Variants in CDS1 observed in about 807,000 individuals in gnomAD.
The protein encoded by CDS1 is CDP-diacylglycerol synthase 1.
In CDS1, 41 loss-of-function variants were observed where a neutral mutation model predicts 62.1. The observed-to-expected ratio is 0.66, with a 90% CI of 0.51 to 0.86. The LOEUF (loss-of-function observed/expected upper bound fraction) is 0.86. Ranked by LOEUF, CDS1 falls within the 40% of genes least tolerant of loss-of-function variation. The probability of loss-of-function intolerance (pLI) is 0.00; values close to 1 mark genes in which losing one functional copy is unlikely to be tolerated. For synonymous variants in CDS1, 185 were observed against 192.6 expected, an observed-to-expected ratio of 0.96 and a Z score of 0.32; for missense variants, 470 against 550.1, an observed-to-expected ratio of 0.85 and a Z score of 1.46.
intron 1 of CDS1, among the ~76,000 whole-genome samples, chr4:84,596,061 C>T (rs763125823): frequency 5.9e-5 from 9 of 152,076 alleles, no homozygotes; most frequent in Non-Finnish European, 7.4e-5. Flanking sequence ...AGACTTGGCC[C>T]GATTCCATTT....
chr4:84,636,078 C>T (rs997690897), intron 8 of CDS1, among the ~76,000 whole-genome samples: 2 of 151,946 alleles, frequency 1.3e-5, no homozygotes, highest in Non-Finnish European at 2.9e-5. Flanking sequence ...TTCTCTCGGC[C>T]ATTGGTGCAG....
chr4:84,611,450 C>G (rs1462545792), intron 3 of CDS1, among the ~76,000 whole-genome samples: 2 of 152,060 alleles, frequency 1.3e-5, no homozygotes, highest in African/African-American at 4.8e-5. Context: ...CCTCCATATT[C>G]AATTCTATTC....
At chr4:84,628,440 C>G (rs1437167139) in intron 5 of CDS1, among the ~76,000 whole-genome samples, 1 of 152,030 alleles carries the variant, frequency 6.6e-6, no homozygotes, top group Middle Eastern at 3.2e-3. Flanking sequence ...CTGAAATTCC[C>G]TCTGTCTCAT....
At chr4:84,605,904 C>T (rs1723078879) in intron 2 of CDS1, among the ~76,000 whole-genome samples, 1 of 152,104 alleles carries the variant, frequency 6.6e-6, no homozygotes, top group Non-Finnish European at 1.5e-5. Flanking sequence ...TATTATATAT[C>T]AAGGGTCATG....
Position 84,644,876 on chromosome 4 carries a change from G to A in CDS1, c.1153-346G>A, listed in dbSNP as rs374764001. ...TAAAATAGCTCCCCAAACAGCTTGTGGTTAAAAAGAAAGCTAGGCTGTAAC... is the reference window on the plus strand; with the variant it reads ...TAAAATAGCTCCCCAAACAGCTTGTAGTTAAAAAGAAAGCTAGGCTGTAAC... On this transcript the variant is annotated intron_variant, in intron 11 of 12. Coordinates refer to ENST00000295887, the MANE Select transcript of CDS1 (RefSeq NM_001263.4). 2.6e-5 allele frequency among the ~76,000 whole-genome samples: 4 copies of A among 152,156 alleles called. No individual in the cohort carries two copies. In the East Asian group the frequency reaches 7.7e-4, roughly 29 times the overall value.
intron 3 of CDS1, among the ~76,000 whole-genome samples, chr4:84,615,992 G>A (rs763503935): frequency 7.2e-5 from 11 of 152,054 alleles, no homozygotes; most frequent in South Asian, 2.1e-4. Context: ...AATATAATGC[G>A]TGTTATTAAA....
intron 5 of CDS1, among the ~76,000 whole-genome samples, chr4:84,623,744 C>G (rs1427268608): frequency 6.6e-6 from 1 of 152,156 alleles, no homozygotes. Context: ...GATTGGCGGG[C>G]TTAACTTAGC....
chr4:84,634,641 G>C (rs1277110244), intron 7 of CDS1, among the ~76,000 whole-genome samples: 1 of 151,926 alleles, frequency 6.6e-6, no homozygotes, highest in African/African-American at 2.4e-5. Flanking sequence ...TTTACCAAGG[G>C]TGTGGTTGTG....
chr4:84,608,884 T>C (rs987345265), intron 2 of CDS1, among the ~76,000 whole-genome samples: 1 of 151,870 alleles, frequency 6.6e-6, no homozygotes, highest in Admixed American at 6.6e-5. Flanking sequence ...TTAACAAAAA[T>C]TATTTTCTTT....
intron 5 of CDS1, among the ~76,000 whole-genome samples, chr4:84,622,454 G>C (rs1343993135): frequency 6.6e-6 from 1 of 152,114 alleles, no homozygotes; most frequent in Non-Finnish European, 1.5e-5. Flanking sequence ...TTAGCCGGGT[G>C]CGGTGGCAGG....
chr4:84,583,491 C>A lies in CDS1; in HGVS notation c.90C>A (p.Asp30Glu). 1.3e-6 allele frequency: 2 copies of A among 1,547,468 alleles called. No homozygotes were observed. The highest frequency in any genetic ancestry group is 1.7e-6 in the Non-Finnish European group (2 of 1,148,698). ...PHREGEAAGG[D>E]HETESTSDKE... ...GCGAGGGAGAGGCGGCCGGCGGCGA[C>A]CACGAAACCGAGAGCACCAGCGACA... The change falls in exon 1 of 13, where the codon GAC becomes GAA. Residue 30 changes from aspartate to glutamate, a missense_variant. Around this residue, in one of 5 missense-constraint regions of CDS1, gnomAD observed 150 missense variants for 142.0 expected, o/e 1.06. Coordinates refer to ENST00000295887, the MANE Select transcript of CDS1 (RefSeq NM_001263.4).
At chr4:84,591,898 ATGT>A (rs1424064224) in intron 1 of CDS1, among the ~76,000 whole-genome samples, 1 of 152,184 alleles carries the variant, frequency 6.6e-6, no homozygotes, top group Non-Finnish European at 1.5e-5. Flanking sequence ...AATCTATGAA[ATGT>A]TGGCAGCGGA....
chr4:84,610,349 G>T (rs1723280250), intron 3 of CDS1, among the ~76,000 whole-genome samples: 1 of 152,176 alleles, frequency 6.6e-6, no homozygotes, highest in Non-Finnish European at 1.5e-5. Flanking sequence ...TCCATTGGAA[G>T]ATCTGCAAGT....
At chr4:84,640,627 A>T (rs1248045691) in intron 9 of CDS1, among the ~76,000 whole-genome samples, 1 of 152,124 alleles carries the variant, frequency 6.6e-6, no homozygotes, top group Non-Finnish European at 1.5e-5. Flanking sequence ...TTTCAAAAAA[A>T]CTTTTTTTTT....
chr4:84,627,208 GA>G, intron 5 of CDS1, among the ~76,000 whole-genome samples: 1 of 152,172 alleles, frequency 6.6e-6, no homozygotes, highest in Admixed American at 6.6e-5. Flanking sequence ...CATTGACATT[GA>G]ATTTTATTTA....
At chr4:84,627,508 A>G (rs1578043771) in intron 5 of CDS1, among the ~76,000 whole-genome samples, 1 of 152,210 alleles carries the variant, frequency 6.6e-6, no homozygotes, top group Non-Finnish European at 1.5e-5. Flanking sequence ...ATGCAATTAT[A>G]TGGTTAGCAG....
intron 8 of CDS1, 80 bp from the exon 9 acceptor site, chr4:84,638,844 A>G (rs1272572947): frequency 6.3e-6 from 2 of 318,696 alleles, no homozygotes; most frequent in East Asian, 1.2e-4. Flanking sequence ...TTGAGGAAAT[A>G]GTTTATATAT....
intron 1 of CDS1, among the ~76,000 whole-genome samples, chr4:84,599,663 TG>T (rs1422010987): frequency 6.6e-6 from 1 of 152,036 alleles, no homozygotes; most frequent in African/African-American, 2.4e-5. Flanking sequence ...ATGTACATTT[TG>T]TCTGGCTTCT....
At chr4:84,633,297 G>A (rs1724080833) in intron 6 of CDS1, among the ~76,000 whole-genome samples, 2 of 152,184 alleles carry the variant, frequency 1.3e-5, no homozygotes, top group African/African-American at 4.8e-5. Context: ...TTAAAAATTT[G>A]AAATTGAATA....
Sources: gnomAD v4.1 joint callset for allele counts (sites outside exome capture counted in the v4.1 genomes callset) on GRCh38, gnomAD v4.1.1 for gene constraint, gnomAD v4.1.1 regional missense constraint, MANE v1.5 for transcripts, NCBI Gene and HGNC (gene_info 2026-07-23, HGNC 2026-07-21) for gene names.